The following FHIP1A variants were observed in gnomAD, a reference collection of about 807,000 sequenced individuals.
The protein encoded by FHIP1A is FHF complex subunit HOOK-interacting protein 1A.
Under a neutral mutation model 88.6 loss-of-function variants are expected in FHIP1A, and 61 were observed. The ratio of observed to expected loss-of-function variants is 0.69; its 90% CI spans 0.56 to 0.85. The LOEUF (loss-of-function observed/expected upper bound fraction) is 0.85. Ranked by LOEUF, FHIP1A falls within the 40% of genes least tolerant of loss-of-function variation. The pLI, the probability that FHIP1A is intolerant of heterozygous loss-of-function variation, is 0.00. For synonymous variants in FHIP1A, 478 were observed against 496.0 expected, an observed-to-expected ratio of 0.96 and a Z score of 0.48; for missense variants, 1,154 against 1,273.5, an observed-to-expected ratio of 0.91 and a Z score of 1.43.
rs1259763122 is a variant in FHIP1A, at chr4:151,549,461, A to G, written c.-122-16677A>G. On this transcript the variant is annotated intron_variant, in intron 3 of 13. Coordinates refer to ENST00000435205, the MANE Select transcript of FHIP1A (RefSeq NM_001109977.3). ...AGCCAAGATCACACCACTGCGCTCC[A>G]GCCTGGGCGAGAGAGTGAGACTCTG... 2.0e-5 allele frequency among the ~76,000 whole-genome samples: 3 copies of G among 149,606 alleles called. No homozygotes were observed. The Admixed American group carries it at 2.0e-4, about 10-fold the overall frequency.
intron 7 of FHIP1A, among the ~76,000 whole-genome samples, chr4:151,608,627 G>A (rs149433028): frequency 4.3e-3 from 661 of 152,258 alleles, no homozygotes; most frequent in Non-Finnish European, 7.6e-3. Context: ...CGGCACTTCT[G>A]CTATTAATGC....
chr4:151,617,636 A>T (rs1578823804), intron 7 of FHIP1A, among the ~76,000 whole-genome samples: 1 of 152,192 alleles, frequency 6.6e-6, no homozygotes, highest in Non-Finnish European at 1.5e-5. Flanking sequence ...CTGTAATCCC[A>T]GCACTTTGGG....
chr4:151,531,636 A>G (rs1731882436), intron 3 of FHIP1A, among the ~76,000 whole-genome samples: 1 of 152,140 alleles, frequency 6.6e-6, no homozygotes, highest in African/African-American at 2.4e-5. Flanking sequence ...AGTTCATTCC[A>G]TGAGGGAGGG....
intron 5 of FHIP1A, among the ~76,000 whole-genome samples, chr4:151,579,046 A>G (rs1733924776): frequency 6.6e-6 from 1 of 152,192 alleles, no homozygotes. Context: ...TGGAAAAGGT[A>G]AAACTATGGA....
At chr4:151,541,762 G>A (rs1732299544) in intron 3 of FHIP1A, among the ~76,000 whole-genome samples, 1 of 152,204 alleles carries the variant, frequency 6.6e-6, no homozygotes, top group Admixed American at 6.5e-5. Flanking sequence ...CCTGGGCTCT[G>A]TCGGTAGTAG....
chr4:151,646,509 G>A (rs1373276873), intron 9 of FHIP1A, 49 bp from the exon 10 acceptor site: 3 of 1,351,948 alleles, frequency 2.2e-6, no homozygotes, highest in South Asian at 1.3e-5. Flanking sequence ...TCCCAGTAAT[G>A]GTTCAAGACA....
intron 3 of FHIP1A, among the ~76,000 whole-genome samples, chr4:151,547,925 A>G (rs1215120198): frequency 2.1e-5 from 3 of 143,534 alleles, no homozygotes; most frequent in Admixed American, 1.4e-4. Flanking sequence ...AAAGAAAAAG[A>G]AAAAAAAAAA....
chr4:151,447,210 G>A (rs1728640802), intron 1 of FHIP1A, among the ~76,000 whole-genome samples: 2 of 152,140 alleles, frequency 1.3e-5, no homozygotes, highest in Admixed American at 6.6e-5. Context: ...TAACAAAAGT[G>A]TGAAAATGAA....
chr4:151,466,295 A>G (rs1386954637), intron 2 of FHIP1A, among the ~76,000 whole-genome samples: 1 of 152,220 alleles, frequency 6.6e-6, no homozygotes, highest in Admixed American at 6.5e-5. Context: ...GAACTCTTCA[A>G]GGAGAACTAC....
chr4:151,566,697 C>T (rs1005093915), intron 4 of FHIP1A, among the ~76,000 whole-genome samples: 1 of 152,134 alleles, frequency 6.6e-6, no homozygotes, highest in Non-Finnish European at 1.5e-5. Flanking sequence ...CTCTTCCCTG[C>T]TGATTTCCTT....
At chr4:151,630,714 C>T (rs916392898) in intron 8 of FHIP1A, among the ~76,000 whole-genome samples, 1 of 152,154 alleles carries the variant, frequency 6.6e-6, no homozygotes, top group Non-Finnish European at 1.5e-5. Context: ...ACACATTCTC[C>T]TCAAATGTAC....
chr4:151,479,825 T>C (rs937893543), intron 2 of FHIP1A, among the ~76,000 whole-genome samples: 1 of 152,064 alleles, frequency 6.6e-6, no homozygotes, highest in African/African-American at 2.4e-5. Context: ...GAACTTGACA[T>C]AGTAGAGGTC....
Position 151,664,620 on chromosome 4 carries a change from C to T in FHIP1A, c.*1866C>T, listed in dbSNP as rs117108036. Among the ~76,000 whole-genome samples the T allele has an allele frequency of 6.6e-6, 1 of 152,324 alleles. No individual in the cohort carries two copies. The highest frequency in any genetic ancestry group is 1.9e-4 in the East Asian group (1 of 5,182). On this transcript the variant is annotated 3_prime_UTR_variant, in exon 14 of 14. Transcript: ENST00000435205. ...TTCCTGATGTCTGGTTGTATTTGCA[C>T]AGCCCACAACTCTCCATTAGAAAAG...
chr4:151,650,395 A>G lies in FHIP1A; in HGVS notation c.2354A>G (p.Glu785Gly). The G allele has an allele frequency of 1.3e-6, 2 of 1,551,738 alleles. No individual in the cohort carries two copies. ...PTPDPLLLTK[E>G]EEGKEESKGE... ...CCTGATCCCTTGCTTCTCACTAAGG[A>G]GGAAGAAGGGAAGGAAGAGAGTAAA... The change falls in exon 11 of 14, where the codon GAG becomes GGG. Residue 785 changes from glutamate (E) to glycine (G), a missense_variant. Transcript: ENST00000435205.
intron 8 of FHIP1A, among the ~76,000 whole-genome samples, chr4:151,633,835 G>A (rs987023814): frequency 2.0e-5 from 3 of 151,842 alleles, no homozygotes; most frequent in Non-Finnish European, 4.4e-5. Flanking sequence ...TGAAAAGCCC[G>A]CAGCTAACAT....
chr4:151,613,407 A>G (rs1301181402), intron 7 of FHIP1A, among the ~76,000 whole-genome samples: 1 of 152,196 alleles, frequency 6.6e-6, no homozygotes, highest in Non-Finnish European at 1.5e-5. Context: ...GTAGAAGACA[A>G]TATCTGTCAA....
In FHIP1A at chr4:151,656,100, A is replaced by G; in HGVS notation, c.2552-132A>G. On this transcript the variant is annotated intron_variant, in intron 11 of 13. Transcript: ENST00000435205. The surrounding 1 kb of genome is among the most constrained non-coding windows in gnomAD (Gnocchi z 4.2). ...TTGAGGCAGGAGAAAACGTGGCCATATTTGCTGTGTCTGGCTTGCACCTGT... is the reference window on the plus strand; with the variant it reads ...TTGAGGCAGGAGAAAACGTGGCCATGTTTGCTGTGTCTGGCTTGCACCTGT... 1 of 637,090 alleles carries G rather than the reference A, an allele frequency of 1.6e-6. No individual in the cohort carries two copies. The highest frequency in any genetic ancestry group is 2.6e-6 in the Non-Finnish European group (1 of 387,602). 39.5% of individuals were successfully genotyped at this position (637,090 alleles called of 1,614,324 possible).
rs1491201547 is a variant in FHIP1A at position 151,443,683 on chromosome 4, C to CTGTGTGTGTG, written c.-355-11017_-355-11016insGTGTGTGTGT. Among the ~76,000 whole-genome samples the CTGTGTGTGTG allele has an allele frequency of 1.3e-4, 7 of 51,972 alleles. No individual in the cohort carries two copies. The East Asian group carries it at 3.3e-3, about 25-fold the overall frequency. 34.1% of individuals were successfully genotyped at this position (51,972 alleles called of 152,430 possible). ...CTGAGTGAGAATTCTAAATGAAGCA[C>CTGTGTGTGTG]TCTGTGTGTGTGTGTGTGTGTGTGT... On this transcript the variant is annotated intron_variant, in intron 1 of 13. Transcript: ENST00000435205.
intron 3 of FHIP1A, among the ~76,000 whole-genome samples, chr4:151,547,848 A>T (rs1732564906): frequency 6.6e-6 from 1 of 151,860 alleles, no homozygotes. Context: ...TGGGAGGTAG[A>T]GGTTGCAGTG....
Sources: gnomAD v4.1 joint callset for allele counts (sites outside exome capture counted in the v4.1 genomes callset) on GRCh38, gnomAD v4.1.1 for gene constraint, Gnocchi (gnomAD v3.1) non-coding constraint, MANE v1.5 for transcripts, NCBI Gene and HGNC (gene_info 2026-07-23, HGNC 2026-07-21) for gene names.